Variants in UBE2D1 observed in about 807,000 individuals in gnomAD.
The protein encoded by UBE2D1 is ubiquitin-conjugating enzyme E2 D1.
In UBE2D1, 9 loss-of-function variants were observed where a neutral mutation model predicts 24.6. That is an observed-to-expected ratio of 0.37 (90% CI 0.22 to 0.64). The LOEUF (loss-of-function observed/expected upper bound fraction) is 0.64, where lower values mean the gene tolerates loss of function less well. Ranked by LOEUF, UBE2D1 falls within the 30% of genes least tolerant of loss-of-function variation. The pLI, the probability that UBE2D1 is intolerant of heterozygous loss-of-function variation, is 0.64. For synonymous variants in UBE2D1, 57 were observed against 57.6 expected (o/e 0.99, Z 0.04); for missense variants, 87 against 177.1 (o/e 0.49, Z 2.89).
intron 1 of UBE2D1, among the ~76,000 whole-genome samples, chr10:58,361,126 T>TA (rs1474288593): frequency 1.3e-5 from 2 of 152,202 alleles, no homozygotes; most frequent in Non-Finnish European, 1.5e-5. Context: ...TTTTTCCATT[T>TA]AATCTTTTCA....
chr10:58,341,271 T>G (rs1839958588), intron 1 of UBE2D1, among the ~76,000 whole-genome samples: 2 of 152,208 alleles, frequency 1.3e-5, no homozygotes, highest in Admixed American at 1.3e-4. Context: ...AGTAGTAAAC[T>G]GTTCATATTA....
chr10:58,364,757 T>G lies in UBE2D1; in HGVS notation c.199-14T>G. 4 of 1,592,628 alleles carry G rather than the reference T, an allele frequency of 2.5e-6. No individual in the cohort carries two copies. The highest frequency in any genetic ancestry group is 3.4e-6 in the Non-Finnish European group (4 of 1,162,636). ...AGGTGATTGTCATATTTTGTTGTTTTGTTTTATGTTTAGATTGCTTTCACA... is the reference window on the plus strand; with the variant it reads ...AGGTGATTGTCATATTTTGTTGTTTGGTTTTATGTTTAGATTGCTTTCACA... On this transcript the variant is annotated splice_polypyrimidine_tract_variant and intron_variant, in intron 4 of 6. Coordinates refer to ENST00000373910, the MANE Select transcript of UBE2D1 (RefSeq NM_003338.5).
At chr10:58,363,160 C>T (rs530606021) in intron 3 of UBE2D1, among the ~76,000 whole-genome samples, 90 of 152,220 alleles carry the variant, frequency 5.9e-4, no homozygotes, top group African/African-American at 2.0e-3. Context: ...AGTTCATCTC[C>T]ATTCTTGGTC....
chr10:58,348,491 A>C lies in UBE2D1; in HGVS notation c.25-12847A>C, dbSNP rs1179793023. ...TGTTGTGTCATGTTAATTAATTGCCAGTTGAGCCAGGAGTTTTGAAATAAT... is the reference window on the plus strand; with the variant it reads ...TGTTGTGTCATGTTAATTAATTGCCCGTTGAGCCAGGAGTTTTGAAATAAT... On this transcript the variant is annotated intron_variant, in intron 1 of 6. Transcript: ENST00000373910. 3.3e-5 allele frequency among the ~76,000 whole-genome samples: 5 copies of C among 152,354 alleles called. No homozygotes were observed. The East Asian group carries it at 9.6e-4, about 29-fold the overall frequency.
At chr10:58,358,435 G>C (rs1840156791) in intron 1 of UBE2D1, among the ~76,000 whole-genome samples, 1 of 152,174 alleles carries the variant, frequency 6.6e-6, no homozygotes, top group Non-Finnish European at 1.5e-5. Flanking sequence ...TTTGGGAACT[G>C]TTCCTCCCTC....
intron 1 of UBE2D1, among the ~76,000 whole-genome samples, chr10:58,350,360 A>T (rs573722842): frequency 6.8e-6 from 1 of 146,698 alleles, no homozygotes; most frequent in Admixed American, 6.8e-5. Context: ...ATCCTTGATG[A>T]CTAATGAAAC....
intron 4 of UBE2D1, among the ~76,000 whole-genome samples, chr10:58,364,165 G>C (rs1840230363): frequency 6.6e-6 from 1 of 152,082 alleles, no homozygotes; most frequent in Admixed American, 6.6e-5. Context: ...GTTAGATTTA[G>C]ATTTGCTCTA....
At chr10:58,335,772 T>C (rs1016005231) in intron 1 of UBE2D1, among the ~76,000 whole-genome samples, 3 of 152,216 alleles carry the variant, frequency 2.0e-5, no homozygotes. Flanking sequence ...GAAAGCCCAT[T>C]TGCGGCCAAG....
intron 1 of UBE2D1, among the ~76,000 whole-genome samples, chr10:58,347,386 T>G (rs983537762): frequency 2.6e-5 from 4 of 152,224 alleles, no homozygotes; most frequent in African/African-American, 9.6e-5. Context: ...TTTACTTGGC[T>G]ACTTTGGATT....
chr10:58,358,946 A>G (rs2132328056), intron 1 of UBE2D1, among the ~76,000 whole-genome samples: 1 of 149,982 alleles, frequency 6.7e-6, no homozygotes, highest in Admixed American at 6.7e-5. Flanking sequence ...TAACTGTAAC[A>G]TGGACCAAAG....
intron 1 of UBE2D1, among the ~76,000 whole-genome samples, chr10:58,352,601 A>T (rs1390815059): frequency 2.0e-5 from 3 of 152,026 alleles, no homozygotes; most frequent in South Asian, 2.1e-4. Context: ...GAAAAAAAAA[A>T]TTACTATTTC....
rs777669513 is a variant in UBE2D1 at position 58,361,512 on chromosome 10, A to C, written c.106A>C (p.Thr36Pro). 2 of 1,614,156 alleles carry C rather than the reference A, an allele frequency of 1.2e-6. No homozygotes were observed. Among genetic ancestry groups the C allele is most frequent in the Non-Finnish European group, 8.5e-7 (1 of 1,180,022 alleles). The part of the protein sequence containing the change: ...VGDDLFHWQA[T>P]IMGPPDSAYQ... ...TGTTTCAGTGTTCCACTGGCAAGCCACTATTATGGGGCCTGTAAGTATGAT... is the reference window on the plus strand; with the variant it reads ...TGTTTCAGTGTTCCACTGGCAAGCCCCTATTATGGGGCCTGTAAGTATGAT... Residue 36 changes from threonine to proline, a missense_variant, in exon 3 of 7, where the codon ACT (threonine) becomes CCT (proline). Thr to Pro is a conservative substitution (Grantham distance 38). Transcript: ENST00000373910.
chr10:58,345,236 C>T (rs1023336666), intron 1 of UBE2D1, among the ~76,000 whole-genome samples: 14 of 151,836 alleles, frequency 9.2e-5, no homozygotes, highest in Non-Finnish European at 1.3e-4. Flanking sequence ...TTTGGGAGAC[C>T]GAGGCAGAAG....
At position 58,364,804 on chromosome 10, in the gene UBE2D1, A is replaced by G; in HGVS notation, c.232A>G (p.Ile78Val). ...AFTTKIYHPN[I>V]NSNGSICLDI... Reference sequence around the variant, plus strand: ...CACAACAAAAATTTACCATCCAAACATAAACAGTAATGGAAGTATTTGTCT... The same window carrying G: ...CACAACAAAAATTTACCATCCAAACGTAAACAGTAATGGAAGTATTTGTCT... The change falls in exon 5 of 7, where the codon ATA becomes GTA. Residue 78 changes from isoleucine to valine, a missense_variant. Coordinates refer to ENST00000373910, the MANE Select transcript of UBE2D1 (RefSeq NM_003338.5). 1.2e-6 allele frequency: 2 copies of G among 1,613,654 alleles called. No individual in the cohort carries two copies. The highest frequency in any genetic ancestry group is 8.5e-7 in the Non-Finnish European group (1 of 1,179,796).
intron 1 of UBE2D1, among the ~76,000 whole-genome samples, chr10:58,336,888 G>C (rs770171192): frequency 1.3e-5 from 2 of 152,026 alleles, no homozygotes; most frequent in Non-Finnish European, 2.9e-5. Flanking sequence ...TGCTGATCTT[G>C]AACTCCTGGC....
intron 1 of UBE2D1, 96 bp downstream of exon 1, chr10:58,335,321 G>A: frequency 1.5e-6 from 2 of 1,352,084 alleles, no homozygotes; most frequent in Non-Finnish European, 1.9e-6. Context: ...GGAGAGCAAG[G>A]GATGGAAGGG....
chr10:58,342,642 T>C (rs1482940034), intron 1 of UBE2D1, among the ~76,000 whole-genome samples: 1 of 152,182 alleles, frequency 6.6e-6, no homozygotes, highest in East Asian at 1.9e-4. Context: ...AGATATTTTC[T>C]AGTTTTCCTT....
chr10:58,335,652 C>T (rs1208869896), intron 1 of UBE2D1, among the ~76,000 whole-genome samples: 1 of 152,196 alleles, frequency 6.6e-6, no homozygotes, highest in Non-Finnish European at 1.5e-5. Context: ...CCGGCCTCCC[C>T]GGGAGGGCAA....
In UBE2D1 at chr10:58,352,414, A is replaced by G. The variant is rs968310480; in HGVS notation, c.25-8924A>G. 2.0e-5 allele frequency among the ~76,000 whole-genome samples: 3 copies of G among 151,720 alleles called. No homozygotes were observed. In the South Asian group the frequency reaches 6.3e-4, roughly 32 times the overall value. ...AGTGGCACACGGTCTGTGTGGCAAG[A>G]TGGCAGCAGCCCTGAGTCCTACTTG... On this transcript the variant is annotated intron_variant, in intron 1 of 6. Transcript: ENST00000373910.
Sources: allele counts gnomAD v4.1 joint callset (sites outside exome capture counted in the v4.1 genomes callset), GRCh38; gene constraint gnomAD v4.1.1; transcripts MANE v1.5; gene names NCBI Gene and HGNC (gene_info 2026-07-23, HGNC 2026-07-21).